FNBP1: variants seen among roughly 807,000 people sequenced by gnomAD.
The protein encoded by FNBP1 is formin binding protein 1.
FNBP1 carries 26 observed loss-of-function variants against 90.6 expected under a neutral mutation model. The observed-to-expected ratio is 0.29, with a 90% CI of 0.21 to 0.40. FNBP1 has a LOEUF of 0.40. Among genes scored for constraint, FNBP1 ranks in the 10% least tolerant of loss-of-function variants. FNBP1 has a pLI of 1.00. For synonymous variants in FNBP1, 260 were observed against 265.2 expected (o/e 0.98, Z 0.19); for missense variants, 635 against 768.0 (o/e 0.83, Z 2.05).
intron 6 of FNBP1, among the ~76,000 whole-genome samples, chr9:129,940,633 T>C (rs949087193): frequency 6.6e-6 from 1 of 151,792 alleles, no homozygotes; most frequent in East Asian, 1.9e-4. Context: ...TATACATATA[T>C]ATACATATTT....
Position 129,973,339 on chromosome 9 carries a change from T to C in FNBP1, c.345+5126A>G, listed in dbSNP as rs78579570. On this transcript the variant is annotated intron_variant, in intron 4 of 16. Coordinates refer to ENST00000446176, the MANE Select transcript of FNBP1 (RefSeq NM_015033.3). ...AATTAACCTCACCAGAAGACAGAAA[T>C]GATAGCATTCCACTGTTGTTTTAAG... 9.0e-3 allele frequency among the ~76,000 whole-genome samples: 1,368 copies of C among 152,272 alleles called. 20 individuals are homozygous for C. Among genetic ancestry groups the C allele is most frequent in the African/African-American group, 0.031 (1,294 of 41,556 alleles).
chr9:130,026,290 A>G (rs1262742526), intron 1 of FNBP1, among the ~76,000 whole-genome samples: 2 of 151,868 alleles, frequency 1.3e-5, no homozygotes, highest in African/African-American at 4.8e-5. Context: ...GGTCAGGAGT[A>G]CGAGACCAGC....
At chr9:129,954,571 T>C (rs2132699679) in intron 6 of FNBP1, among the ~76,000 whole-genome samples, 1 of 152,256 alleles carries the variant, frequency 6.6e-6, no homozygotes, top group African/African-American at 2.4e-5. Context: ...AACTGATTAA[T>C]GTAATTGACC....
At position 129,914,771 on chromosome 9, in the gene FNBP1, A is replaced by G. The variant is rs1299219425; in HGVS notation, c.1185+1195T>C. 1.4e-3 allele frequency: 181 copies of G among 128,070 alleles called. 3 individuals carry two copies. The highest frequency in any genetic ancestry group is 8.3e-3 in the Middle Eastern group (2 of 242). The allele number at this position is 128,070 out of a possible 1,614,324, so 7.9% of individuals were successfully genotyped here. A position where few individuals can be genotyped will look rare whatever the true frequency, so the allele number is the denominator to read the frequency against. On this transcript the variant is annotated intron_variant, in intron 11 of 16. Coordinates refer to ENST00000446176, the MANE Select transcript of FNBP1 (RefSeq NM_015033.3). ...CATACATATGTCTATATATATATAT[A>G]TATATATATATATATATATATATCT...
At position 130,042,890 on chromosome 9, in the gene FNBP1, C is replaced by A. The variant is rs1434081383; in HGVS notation, c.24+62G>T. On this transcript the variant is annotated intron_variant, in intron 1 of 16. Coordinates refer to ENST00000446176, the MANE Select transcript of FNBP1 (RefSeq NM_015033.3). This position sits in a 1 kb window ranked among gnomAD's most constrained non-coding sequence, Gnocchi z 5.5. The stretch of plus-strand genomic sequence containing the variant: ...AGCAGCGCGGCCCGCGCCCCCTCCC[C>A]AGGCCGCGGGGAAACGCAGCGCGCG... The A allele has an allele frequency of 8.7e-7, 1 of 1,155,552 alleles. No homozygotes were observed. The highest frequency in any genetic ancestry group is 1.1e-6 in the Non-Finnish European group (1 of 918,656). 71.6% of individuals were successfully genotyped at this position (1,155,552 alleles called of 1,614,324 possible).
chr9:129,980,435 G>T (rs2051021862), intron 2 of FNBP1, among the ~76,000 whole-genome samples: 1 of 151,914 alleles, frequency 6.6e-6, no homozygotes, highest in African/African-American at 2.4e-5. Flanking sequence ...GCGAGCGCAT[G>T]AAAACCACCT....
chr9:130,044,285 T>C (rs189589557), upstream of FNBP1, among the ~76,000 whole-genome samples: 32 of 152,280 alleles, frequency 2.1e-4, no homozygotes, highest in African/African-American at 7.0e-4. Context: ...ATTTCTCCAA[T>C]CCCACCCCAC....
upstream of FNBP1, among the ~76,000 whole-genome samples, chr9:130,046,775 CA>C (rs34811454): frequency 0.81 from 67,556 of 83,292 alleles, 26,773 homozygotes; most frequent in Middle Eastern, 0.87. Context: ...GACTTTATCT[CA>C]AAAAAAAAAA....
upstream of FNBP1, among the ~76,000 whole-genome samples, chr9:130,046,096 G>T (rs1019508955): frequency 6.6e-6 from 1 of 151,956 alleles, no homozygotes; most frequent in Non-Finnish European, 1.5e-5. Context: ...ATATTTTGTC[G>T]TCAACCTTGT....
At chr9:129,964,884 A>C (rs1419273671) in intron 4 of FNBP1, among the ~76,000 whole-genome samples, 1 of 152,134 alleles carries the variant, frequency 6.6e-6, no homozygotes, top group Non-Finnish European at 1.5e-5. Flanking sequence ...GTAGAAAAAA[A>C]CATAAGAATA....
chr9:129,971,046 C>T (rs931504163), intron 4 of FNBP1, among the ~76,000 whole-genome samples: 3 of 151,652 alleles, frequency 2.0e-5, no homozygotes, highest in African/African-American at 7.3e-5. Context: ...CCACCACACC[C>T]AGCTAATTTT....
intron 1 of FNBP1, among the ~76,000 whole-genome samples, chr9:129,997,127 C>T (rs915092885): frequency 6.6e-6 from 1 of 151,862 alleles, no homozygotes; most frequent in Non-Finnish European, 1.5e-5. Flanking sequence ...GAGTTCGAGA[C>T]CAGCCTGGAC....
chr9:129,925,630 G>C (rs1365914965), intron 8 of FNBP1, among the ~76,000 whole-genome samples: 1 of 85,812 alleles, frequency 1.2e-5, no homozygotes, highest in African/African-American at 4.8e-5. Context: ...GTCTCAATCT[G>C]TTACCCAGGC....
Position 130,008,868 on chromosome 9 carries a change from C to A in FNBP1, c.25-13910G>T, listed in dbSNP as rs1436251912. 2.0e-5 allele frequency among the ~76,000 whole-genome samples: 3 copies of A among 152,094 alleles called. No homozygotes were observed. The East Asian group carries it at 5.8e-4, about 29-fold the overall frequency. ...AGTCTCCATAGGTGATTCTCTCCCCCAGAAAACAAGTTCAAGACCGACCCA... is the reference window on the plus strand; with the variant it reads ...AGTCTCCATAGGTGATTCTCTCCCCAAGAAAACAAGTTCAAGACCGACCCA... On this transcript the variant is annotated intron_variant, in intron 1 of 16. Transcript: ENST00000446176.
chr9:129,895,974 G>C lies in FNBP1; in HGVS notation c.1710C>G (p.Ser570=). Residue 570 remains serine, a synonymous_variant, in exon 16 of 17, where the codon TCC becomes TCG. Coordinates refer to ENST00000446176, the MANE Select transcript of FNBP1 (RefSeq NM_015033.3). ...CATACAATGTTTCTCCTTCAACTAC[G>C]GAAATCGTTCCTTCATTCTGACCTG... ...TFEGQNEGTI[S]VVEGETLYVI... 1.2e-6 allele frequency: 2 copies of C among 1,609,174 alleles called. No homozygotes were observed. The highest frequency in any genetic ancestry group is 3.4e-5 in the Admixed American group (2 of 58,886).
At chr9:129,899,919 T>C (rs1166658081) in intron 15 of FNBP1, 46 bp downstream of exon 15, 3 of 1,468,932 alleles carry the variant, frequency 2.0e-6, no homozygotes, top group Non-Finnish European at 2.7e-6. Flanking sequence ...ACTCAGATAT[T>C]ATGGTTTATA....
chr9:129,957,581 T>A lies in FNBP1; in HGVS notation c.409-117A>T. ...CTTTTTTTTTTCTTCAGTCAGGGTC[T>A]CACTTTGTCACCCAGGCTGGAGTGC... is the stretch of plus-strand genomic sequence containing the variant. On this transcript the variant is annotated intron_variant, in intron 5 of 16. Coordinates refer to ENST00000446176, the MANE Select transcript of FNBP1 (RefSeq NM_015033.3). The surrounding 1 kb of genome is among the most constrained non-coding windows in gnomAD (Gnocchi z 4.3). 1.3e-6 allele frequency: 1 copy of A among 788,400 alleles called. No individual in the cohort carries two copies. Among genetic ancestry groups the A allele is most frequent in the Non-Finnish European group, 2.0e-6 (1 of 506,006 alleles). 48.8% of individuals were successfully genotyped at this position (788,400 alleles called of 1,614,324 possible). A position where few individuals can be genotyped will look rare whatever the true frequency, so the allele number is the denominator to read the frequency against.
Position 129,994,910 on chromosome 9 carries a change from G to A in FNBP1, c.73C>T (p.Leu25Phe), listed in dbSNP as rs1404481483. The change falls in exon 2 of 17, where the codon CTT (leucine) becomes TTT (phenylalanine). Residue 25 changes from leucine (L) to phenylalanine (F), a missense_variant. Leu to Phe is a conservative substitution (Grantham distance 22). Transcript: ENST00000446176. ...EKHTQWGIDI[L>F]EKYIKFVKER... ...TTCACAAACTTGATATATTTCTCAA[G>A]AATATCAATTCCCCACTGTGTGTGT... 6 of 1,608,172 alleles carry A rather than the reference G, an allele frequency of 3.7e-6. No individual in the cohort carries two copies. Among genetic ancestry groups the A allele is most frequent in the Non-Finnish European group, 4.3e-6 (5 of 1,175,936 alleles).
chr9:130,051,578 G>C, the FNBP1 span, among the ~76,000 whole-genome samples: 1 of 152,194 alleles, frequency 6.6e-6, no homozygotes, highest in Non-Finnish European at 1.5e-5. Flanking sequence ...AATTTGGTAA[G>C]CCGAGGTGAG....
Sources: allele counts gnomAD v4.1 joint callset (sites outside exome capture counted in the v4.1 genomes callset), GRCh38; gene constraint gnomAD v4.1.1; non-coding constraint Gnocchi (gnomAD v3.1); transcripts MANE v1.5; gene names NCBI Gene and HGNC (gene_info 2026-07-23, HGNC 2026-07-21).